Variants in FAM83G observed in about 807,000 individuals in gnomAD.
FAM83G encodes the protein scaffolding CK1 anchoring protein G.
In FAM83G, 38 loss-of-function variants were observed where a neutral mutation model predicts 61.5. The ratio of observed to expected loss-of-function variants is 0.62; its 90% CI spans 0.48 to 0.81. FAM83G has a LOEUF of 0.81. Ranked by LOEUF, FAM83G falls within the 30% of genes least tolerant of loss-of-function variation. The probability of loss-of-function intolerance (pLI) is 0.00; values close to 1 mark genes in which losing one functional copy is unlikely to be tolerated. For missense variants in FAM83G, 989 were observed against 1,133.6 expected (o/e 0.87, Z 1.83); for synonymous variants, 470 against 476.1 (o/e 0.99, Z 0.17).
chr17:18,981,983 G>T (rs1170348323), intron 3 of FAM83G, among the ~76,000 whole-genome samples: 1 of 152,214 alleles, frequency 6.6e-6, no homozygotes, highest in East Asian at 1.9e-4. Flanking sequence ...TCCTGGCCCG[G>T]CCACAGACCC....
intron 3 of FAM83G, among the ~76,000 whole-genome samples, chr17:18,984,446 A>G (rs1597862519): frequency 1.3e-5 from 2 of 151,920 alleles, no homozygotes; most frequent in East Asian, 3.9e-4. Context: ...GAACGGGGGA[A>G]CCTGGGCAGC....
chr17:18,985,737 A>T (rs2043253412), intron 3 of FAM83G, among the ~76,000 whole-genome samples: 1 of 152,208 alleles, frequency 6.6e-6, no homozygotes. Flanking sequence ...TAGCTCCTGG[A>T]TATGTCACCC....
In FAM83G at chr17:18,988,296, T is replaced by C; in HGVS notation, c.641A>G (p.Tyr214Cys). The C allele has an allele frequency of 6.2e-7, 1 of 1,614,160 alleles. No individual in the cohort carries two copies. Among genetic ancestry groups the C allele is most frequent in the Middle Eastern group, 1.6e-4 (1 of 6,062 alleles). ...GGCCCGCTCACACATGTGCAGGAAG[T>C]ACTTGACGTTACTCTCATCCACGAT... is the stretch of plus-strand genomic sequence containing the variant. ...YIIVDESNVK[Y>C]FLHMCERACM... Residue 214 changes from tyrosine (Y) to cysteine (C), a missense_variant, in exon 3 of 6, where the codon TAC becomes TGC. Physicochemically the swap from Tyr to Cys is radical, Grantham distance 194 (BLOSUM62 -2). Transcript: ENST00000388995.
rs1224723506 is a variant in FAM83G at position 18,969,173 on chromosome 17, C to T, written c.*2186G>A. On this transcript the variant is annotated 3_prime_UTR_variant, in exon 6 of 6. Transcript: ENST00000388995. ...ACCATCGCAGGTATGGTGCCTGCAG[C>T]AGGGAGGTCCACCCAGGGGACGTGT... is the stretch of plus-strand genomic sequence containing the variant. 45 of 1,611,226 alleles carry T rather than the reference C, an allele frequency of 2.8e-5. No individual in the cohort carries two copies. Among genetic ancestry groups the T allele is most frequent in the Non-Finnish European group, 3.8e-5 (45 of 1,178,482 alleles).
At chr17:18,999,033 A>G (rs1394723091) in intron 2 of FAM83G, among the ~76,000 whole-genome samples, 1 of 152,194 alleles carries the variant, frequency 6.6e-6, no homozygotes, top group Non-Finnish European at 1.5e-5. Flanking sequence ...TAATCCCAGC[A>G]CTTTGGGAGG....
intron 2 of FAM83G, among the ~76,000 whole-genome samples, chr17:18,989,450 C>CCCTACTGACA (rs143310449): frequency 0.21 from 32,074 of 152,118 alleles, 4,378 homozygotes; most frequent in African/African-American, 0.38. Context: ...GGCCTCAGGC[C>CCCTACTGACA]CCCATCGTTC....
upstream of FAM83G, among the ~76,000 whole-genome samples, chr17:19,005,350 G>A (rs998581953): frequency 1.6e-4 from 25 of 152,184 alleles, no homozygotes; most frequent in African/African-American, 6.0e-4. Context: ...GGGCCGCTGT[G>A]GGCTGGGGTC....
chr17:18,995,769 A>AT (rs935068800), intron 2 of FAM83G, among the ~76,000 whole-genome samples: 3 of 152,104 alleles, frequency 2.0e-5, no homozygotes, highest in Non-Finnish European at 4.4e-5. Context: ...TTAGCAGGGC[A>AT]TAGTGGCATG....
chr17:18,973,235 G>A (rs1396282637), intron 5 of FAM83G, among the ~76,000 whole-genome samples: 9 of 152,240 alleles, frequency 5.9e-5, no homozygotes, highest in African/African-American at 1.9e-4. Context: ...GGCATGGCAC[G>A]GTCTTCTCTG....
chr17:19,004,442 G>C lies in FAM83G; in HGVS notation c.-129+267C>G, dbSNP rs561838265. 6.6e-6 allele frequency among the ~76,000 whole-genome samples: 1 copy of C among 152,176 alleles called. No individual in the cohort carries two copies. The highest frequency in any genetic ancestry group is 2.4e-5 in the African/African-American group (1 of 41,452). On this transcript the variant is annotated intron_variant, in intron 1 of 5. Transcript: ENST00000388995. The surrounding 1 kb of genome is among the most constrained non-coding windows in gnomAD (Gnocchi z 5.4). Reference sequence around the variant, plus strand: ...ATTTCCGGAGCTGCCTGAAGTCCTCGCAACTTCTGAGGGAAACTAGGGCAG... The same window carrying C: ...ATTTCCGGAGCTGCCTGAAGTCCTCCCAACTTCTGAGGGAAACTAGGGCAG...
Position 19,004,588 on chromosome 17 carries a change from G to C in FAM83G, c.-129+121C>G, listed in dbSNP as rs1328611217. The C allele has an allele frequency of 6.6e-6, 1 of 152,084 alleles. No individual in the cohort carries two copies. The highest frequency in any genetic ancestry group is 1.5e-5 in the Non-Finnish European group (1 of 68,000). The allele number at this position is 152,084 out of a possible 1,614,324, so 9.4% of individuals were successfully genotyped here. Reference sequence around the variant, plus strand: ...AAATTTCCGGGTGCCGGCAACCCAGGAGGCCTGCCCGGAGGAGGCTGGGGC... The same window carrying C: ...AAATTTCCGGGTGCCGGCAACCCAGCAGGCCTGCCCGGAGGAGGCTGGGGC... On this transcript the variant is annotated intron_variant, in intron 1 of 5. Transcript: ENST00000388995. The surrounding 1 kb of genome is among the most constrained non-coding windows in gnomAD (Gnocchi z 5.4).
intron 2 of FAM83G, among the ~76,000 whole-genome samples, chr17:18,989,239 G>A (rs1298671024): frequency 6.6e-6 from 1 of 150,840 alleles, no homozygotes; most frequent in East Asian, 2.0e-4. Context: ...AAGAGGCCAG[G>A]GACCTGCCCT....
rs540858760 is a variant in FAM83G, at chr17:18,977,911, G to A, written c.1755C>T (p.Asp585=). The stretch of plus-strand genomic sequence containing the variant: ...CCTGGTCACTGAGGGTTACGTAGTC[G>A]TCATCATCTTCTTCTTCCACCCCAT... The part of the protein sequence containing the change: ...GLDGVEEEDD[D]DYVTLSDQDS... Residue 585 remains aspartate (D), a synonymous_variant, in exon 5 of 6, where the codon GAC becomes GAT. Transcript: ENST00000388995. The A allele has an allele frequency of 3.1e-5, 50 of 1,610,224 alleles. No individual in the cohort carries two copies. The highest frequency in any genetic ancestry group is 9.3e-5 in the African/African-American group (7 of 75,024).
intron 2 of FAM83G, among the ~76,000 whole-genome samples, chr17:18,990,480 C>T (rs1284504987): frequency 6.6e-6 from 1 of 152,334 alleles, no homozygotes; most frequent in African/African-American, 2.4e-5. Context: ...AATGAGGGCG[C>T]AGTAGGCATG....
intron 2 of FAM83G, among the ~76,000 whole-genome samples, chr17:19,001,796 TG>T (rs555923896): frequency 4.8e-4 from 72 of 151,526 alleles, no homozygotes; most frequent in African/African-American, 1.6e-3. Flanking sequence ...GGCCCATCGC[TG>T]GGCGGGGGAT....
chr17:18,973,162 C>A (rs2042897687), intron 5 of FAM83G, among the ~76,000 whole-genome samples: 1 of 152,226 alleles, frequency 6.6e-6, no homozygotes, highest in African/African-American at 2.4e-5. Flanking sequence ...CAAGTGGTAC[C>A]CTGCCAGGCT....
At chr17:18,997,299 C>T (rs1412924538) in intron 2 of FAM83G, among the ~76,000 whole-genome samples, 4 of 152,214 alleles carry the variant, frequency 2.6e-5, no homozygotes, top group African/African-American at 9.7e-5. Flanking sequence ...ACTGCAAAGA[C>T]AAGGGGCTGG....
chr17:18,970,056 T>C lies in FAM83G; in HGVS notation c.*1303A>G, dbSNP rs1156648847. On this transcript the variant is annotated 3_prime_UTR_variant, in exon 6 of 6. Transcript: ENST00000388995. Reference sequence around the variant, plus strand: ...ACTGGGACCCTGTGGCTGAGCAGTTTCTAACCCTTGAATGGCACTTGTTCA... The same window carrying C: ...ACTGGGACCCTGTGGCTGAGCAGTTCCTAACCCTTGAATGGCACTTGTTCA... 6.6e-6 allele frequency: 1 copy of C among 152,264 alleles called. No individual in the cohort carries two copies. Among genetic ancestry groups the C allele is most frequent in the Non-Finnish European group, 1.5e-5 (1 of 68,080 alleles). 9.4% of individuals were successfully genotyped at this position (152,264 alleles called of 1,614,324 possible).
upstream of FAM83G, chr17:19,004,780 G>GCCGGTGACTCAGGGCCGCC (rs1427245564): frequency 6.6e-6 from 1 of 150,422 alleles, no homozygotes; most frequent in Non-Finnish European, 1.5e-5. The surrounding 1 kb of genome is among the most constrained non-coding windows in gnomAD (Gnocchi z 5.4). Flanking sequence ...GCGGGGGCGC[G>GCCGGTGACTCAGGGCCGCC]CCGGTGACTC....
Sources: allele counts gnomAD v4.1 joint callset (sites outside exome capture counted in the v4.1 genomes callset), GRCh38; gene constraint gnomAD v4.1.1; non-coding constraint Gnocchi (gnomAD v3.1); transcripts MANE v1.5; gene names NCBI Gene and HGNC (gene_info 2026-07-23, HGNC 2026-07-21).